PARM1: variants seen among roughly 807,000 people sequenced by gnomAD.
PARM1 encodes the protein WSC4, cell wall integrity and stress response component 4 homolog.
In PARM1, 14 loss-of-function variants were observed where a neutral mutation model predicts 24.6. The ratio of observed to expected loss-of-function variants is 0.57; its 90% CI spans 0.38 to 0.89. The LOEUF (loss-of-function observed/expected upper bound fraction) is 0.89, where lower values mean the gene tolerates loss of function less well. Among genes scored for constraint, PARM1 ranks in the 40% least tolerant of loss-of-function variants. PARM1 has a pLI of 0.00. For synonymous variants in PARM1, 179 were observed against 156.6 expected, an observed-to-expected ratio of 1.14 and a Z score of -1.07; for missense variants, 362 against 380.4, an observed-to-expected ratio of 0.95 and a Z score of 0.40.
chr4:75,010,326 T>A (rs954467841), intron 1 of PARM1, among the ~76,000 whole-genome samples: 15 of 152,028 alleles, frequency 9.9e-5, no homozygotes, highest in African/African-American at 3.6e-4. Flanking sequence ...GACAGTAGAG[T>A]GTAGAATGGT....
intron 1 of PARM1, among the ~76,000 whole-genome samples, chr4:74,983,455 G>T (rs980405813): frequency 5.3e-5 from 8 of 152,294 alleles, no homozygotes; most frequent in African/African-American, 1.9e-4. Flanking sequence ...GTCATAGGAT[G>T]CTGGTACAGT....
At chr4:74,970,408 G>A (rs564014447) in intron 1 of PARM1, 2 of 152,192 alleles carry the variant, frequency 1.3e-5, no homozygotes, top group African/African-American at 2.4e-5. Context: ...CAGCCGCCAG[G>A]CTCTTAGTTA....
Position 75,043,185 on chromosome 4 carries a change from T to C in PARM1, c.849-2978T>C, listed in dbSNP as rs75070714. Among the ~76,000 whole-genome samples, 48 of 152,308 alleles carry C rather than the reference T, an allele frequency of 3.2e-4. No individual in the cohort carries two copies. In the East Asian group the frequency reaches 7.1e-3, roughly 23 times the overall value. Reference sequence around the variant, plus strand: ...CAATAACAATCATGTAAGAAACTGGTTTTATAACTATGCCTGGGGTATAGT... The same window carrying C: ...CAATAACAATCATGTAAGAAACTGGCTTTATAACTATGCCTGGGGTATAGT... On this transcript the variant is annotated intron_variant, in intron 3 of 3. Coordinates refer to ENST00000307428, the MANE Select transcript of PARM1 (RefSeq NM_015393.4).
chr4:75,021,933 T>C (rs1257660556), intron 2 of PARM1, among the ~76,000 whole-genome samples: 1 of 152,246 alleles, frequency 6.6e-6, no homozygotes, highest in Non-Finnish European at 1.5e-5. Context: ...TGTGCAAGTG[T>C]CTTCATGGTG....
At chr4:74,956,608 A>G (rs970015897) in intron 1 of PARM1, 3 of 152,174 alleles carry the variant, frequency 2.0e-5, no homozygotes, top group Non-Finnish European at 2.9e-5. Context: ...TTTTCTTCCC[A>G]GGGGAAGACA....
At chr4:75,011,415 C>T (rs775756935) in intron 1 of PARM1, among the ~76,000 whole-genome samples, 11 of 151,704 alleles carry the variant, frequency 7.3e-5, no homozygotes, top group Non-Finnish European at 1.6e-4. Flanking sequence ...ACTGCGCAAC[C>T]GGGTGAATGG....
rs2109777482 is a variant in PARM1 at position 74,988,296 on chromosome 4, C to T, written c.44-24129C>T. ...TGGTTGTGTATACAGTAGACATTTT[C>T]ACAACTATAGGAGAAACAGTTGTTT... On this transcript the variant is annotated intron_variant, in intron 1 of 3. Coordinates refer to ENST00000307428, the MANE Select transcript of PARM1 (RefSeq NM_015393.4). Among the ~76,000 whole-genome samples, 3 of 152,224 alleles carry T rather than the reference C, an allele frequency of 2.0e-5. No individual in the cohort carries two copies. The Middle Eastern group carries it at 0.01, about 518-fold the overall frequency.
intron 1 of PARM1, among the ~76,000 whole-genome samples, chr4:74,939,975 C>T (rs1045286398): frequency 1.3e-5 from 2 of 152,076 alleles, no homozygotes; most frequent in African/African-American, 2.4e-5. Flanking sequence ...GAAATAAGGA[C>T]CTGGGAACTT....
intron 2 of PARM1, among the ~76,000 whole-genome samples, chr4:75,032,934 C>T (rs1723299924): frequency 6.6e-6 from 1 of 152,132 alleles, no homozygotes; most frequent in African/African-American, 2.4e-5. Flanking sequence ...GGGACAAGAG[C>T]CCAGTTGATT....
At chr4:74,982,941 T>C (rs1044887564) in intron 1 of PARM1, among the ~76,000 whole-genome samples, 5 of 152,196 alleles carry the variant, frequency 3.3e-5, no homozygotes, top group African/African-American at 1.2e-4. Context: ...CATGCATCTT[T>C]TCCTACTTTT....
At chr4:74,950,921 C>G (rs569781928) in intron 1 of PARM1, among the ~76,000 whole-genome samples, 222 of 151,596 alleles carry the variant, frequency 1.5e-3, no homozygotes, top group Non-Finnish European at 1.6e-3. Flanking sequence ...GGCACTGTGA[C>G]AAGCAGGAAC....
chr4:74,964,291 A>G (rs557017801), intron 1 of PARM1, among the ~76,000 whole-genome samples: 13 of 152,316 alleles, frequency 8.5e-5, no homozygotes, highest in Admixed American at 7.8e-4. Flanking sequence ...AGCATTCACA[A>G]TCTTAAACTT....
chr4:75,018,616 T>C (rs1723030954), intron 2 of PARM1, among the ~76,000 whole-genome samples: 1 of 152,168 alleles, frequency 6.6e-6, no homozygotes, highest in African/African-American at 2.4e-5. Context: ...TGGTAATTAT[T>C]TATTACAATT....
chr4:75,012,302 C>T, intron 1 of PARM1, 123 bp from the exon 2 acceptor site: 2 of 1,062,260 alleles, frequency 1.9e-6, no homozygotes, highest in Non-Finnish European at 2.7e-6. Context: ...GGGGAGGGCA[C>T]AATGCAAAAT....
chr4:75,048,219 A>G lies in PARM1; in HGVS notation c.*1972A>G, dbSNP rs1723647985. 1 of 152,154 alleles carries G rather than the reference A, an allele frequency of 6.6e-6. No homozygotes were observed. Among genetic ancestry groups the G allele is most frequent in the Non-Finnish European group, 1.5e-5 (1 of 68,026 alleles). 9.4% of individuals were successfully genotyped at this position (152,154 alleles called of 1,614,324 possible). A position where few individuals can be genotyped will look rare whatever the true frequency, so the allele number is the denominator to read the frequency against. The stretch of plus-strand genomic sequence containing the variant: ...ACCCACACACTGGAGTAATTCTGAA[A>G]AAAATTATTCCTAAACTCTCTAAGT... On this transcript the variant is annotated 3_prime_UTR_variant, in exon 4 of 4. Coordinates refer to ENST00000307428, the MANE Select transcript of PARM1 (RefSeq NM_015393.4).
rs2089320560 is a variant in PARM1, at chr4:75,012,819, C to T, written c.438C>T (p.Pro146=). The T allele has an allele frequency of 6.2e-7, 1 of 1,613,966 alleles. No homozygotes were observed. The stretch of plus-strand genomic sequence containing the variant: ...TGTCGCAGTCCGCTGCTGAGCCTCC[C>T]ACACTCATCTCCCCTCAAGCTCCAG... ...ATLSQSAAEP[P]TLISPQAPAS... The change falls in exon 2 of 4, where the codon CCC becomes CCT. Residue 146 remains proline, a synonymous_variant. Coordinates refer to ENST00000307428, the MANE Select transcript of PARM1 (RefSeq NM_015393.4).
intron 1 of PARM1, among the ~76,000 whole-genome samples, chr4:74,996,074 T>A (rs1043129070): frequency 6.6e-6 from 1 of 152,184 alleles, no homozygotes; most frequent in African/African-American, 2.4e-5. Flanking sequence ...CTATTCTTCC[T>A]GGACTGACTC....
chr4:74,953,070 A>G (rs1721558792), intron 1 of PARM1, among the ~76,000 whole-genome samples: 1 of 152,240 alleles, frequency 6.6e-6, no homozygotes, highest in Non-Finnish European at 1.5e-5. Context: ...ATAATCATAT[A>G]CATCCATTTC....
intron 1 of PARM1, among the ~76,000 whole-genome samples, chr4:74,993,094 T>G (rs894386381): frequency 1.3e-5 from 2 of 151,982 alleles, no homozygotes; most frequent in African/African-American, 4.8e-5. Context: ...ATGCCAAGAG[T>G]GTTAAGATAT....
Sources: allele counts gnomAD v4.1 joint callset (sites outside exome capture counted in the v4.1 genomes callset), GRCh38; gene constraint gnomAD v4.1.1; transcripts MANE v1.5; gene names NCBI Gene and HGNC (gene_info 2026-07-23, HGNC 2026-07-21).